The following ZNF71 variants were observed in gnomAD, a reference collection of about 807,000 sequenced individuals.
ZNF71 encodes endothelial zinc finger protein induced by tumor necrosis factor alpha.
A neutral mutation model predicts 6.7 loss-of-function variants in ZNF71; 3 were observed. That is an observed-to-expected ratio of 0.45 (90% confidence interval 0.20 to 1.16). ZNF71 has a LOEUF of 1.16. ZNF71 is among the 50% of genes most tolerant of loss of function. The probability of loss-of-function intolerance (pLI) is 0.25; values close to 1 mark genes in which losing one functional copy is unlikely to be tolerated. For missense variants in ZNF71, 688 were observed against 728.6 expected, an observed-to-expected ratio of 0.94 and a Z score of 0.64; for synonymous variants, 343 against 311.1, an observed-to-expected ratio of 1.10 and a Z score of -1.08.
At position 56,622,340 on chromosome 19, in the gene ZNF71, G is replaced by A. The variant is rs917851191; in HGVS notation, c.1233G>A (p.Val411=). The change falls in exon 4 of 4, where the codon GTG becomes GTA. Residue 411 remains valine, a synonymous_variant. Transcript: ENST00000599599. ...LIQHQRFHIG[V]KPFECSECGK... is the part of the protein sequence containing the mutation. Reference sequence around the variant, plus strand: ...AGCACCAGCGCTTCCACATCGGCGTGAAGCCGTTCGAGTGCAGCGAGTGCG... The same window carrying A: ...AGCACCAGCGCTTCCACATCGGCGTAAAGCCGTTCGAGTGCAGCGAGTGCG... 2.5e-5 allele frequency: 40 copies of A among 1,612,718 alleles called. No individual in the cohort carries two copies. The highest frequency in any genetic ancestry group is 3.3e-5 in the Non-Finnish European group (39 of 1,179,420).
intron 3 of ZNF71, among the ~76,000 whole-genome samples, chr19:56,614,659 T>C (rs559065988): frequency 2.6e-4 from 39 of 152,358 alleles, no homozygotes; most frequent in African/African-American, 9.1e-4. Flanking sequence ...CACAACATAC[T>C]GTTAGGTTAA....
chr19:56,607,767 A>G (rs1438637494), intron 2 of ZNF71, among the ~76,000 whole-genome samples: 4 of 152,222 alleles, frequency 2.6e-5, no homozygotes, highest in Non-Finnish European at 4.4e-5. Flanking sequence ...CCCCAAACTC[A>G]GTTGCTTAAA....
At position 56,621,400 on chromosome 19, in the gene ZNF71, T is replaced by C; in HGVS notation, c.293T>C (p.Val98Ala). 2 of 1,610,868 alleles carry C rather than the reference T, an allele frequency of 1.2e-6. No individual in the cohort carries two copies. The highest frequency in any genetic ancestry group is 1.7e-6 in the Non-Finnish European group (2 of 1,178,282). ...GCCAGGGGTCCTGGCTCAGAAGGAG[T>C]GTGGGAACCAGGCAGCTGGCCAGAG... is the stretch of plus-strand genomic sequence containing the variant. Reference protein sequence around the residue: ...NGARGPGSEGVWEPGSWPERP... With the variant: ...NGARGPGSEGAWEPGSWPERP... The change falls in exon 4 of 4, where the codon GTG (valine) becomes GCG (alanine). Residue 98 changes from valine (V) to alanine (A), a missense_variant. Physicochemically the swap from Val to Ala is moderately conservative, Grantham distance 64. Transcript: ENST00000599599.
Position 56,621,294 on chromosome 19 carries a change from G to A in ZNF71, c.187G>A (p.Glu63Lys). 1 of 1,519,842 alleles carries A rather than the reference G, an allele frequency of 6.6e-7. No individual in the cohort carries two copies. The highest frequency in any genetic ancestry group is 8.8e-7 in the Non-Finnish European group (1 of 1,135,402). The allele number at this position is 1,519,842 out of a possible 1,614,324, so 94.1% of individuals were successfully genotyped here. Residue 63 changes from glutamate (E) to lysine (K), a missense_variant, in exon 4 of 4, where the codon GAG becomes AAG. Coordinates refer to ENST00000599599, the MANE Select transcript of ZNF71 (RefSeq NM_001370215.1). ...CTGGGAGACTAGACCTGAAATGAAA[G>A]AGTTGGATCCAAAGAATGACATTTC... ...LDWETRPEMK[E>K]LDPKNDISED... is the part of the protein sequence containing the mutation.
chr19:56,614,338 A>T (rs989421318), intron 3 of ZNF71, among the ~76,000 whole-genome samples: 2 of 152,236 alleles, frequency 1.3e-5, no homozygotes, highest in Non-Finnish European at 1.5e-5. Flanking sequence ...AAAAAAGAAT[A>T]ATAGCCCATA....
intron 2 of ZNF71, among the ~76,000 whole-genome samples, chr19:56,612,406 C>G (rs2044758514): frequency 6.6e-6 from 1 of 152,094 alleles, no homozygotes; most frequent in South Asian, 2.1e-4. Flanking sequence ...CACATACACA[C>G]ATACATACAC....
At chr19:56,596,886 G>A (rs768690421) in intron 1 of ZNF71, among the ~76,000 whole-genome samples, 2 of 152,080 alleles carry the variant, frequency 1.3e-5, no homozygotes, top group Non-Finnish European at 2.9e-5. Context: ...TGGAAACAAT[G>A]GAAATGGAAG....
Position 56,598,099 on chromosome 19 carries a change from A to G in ZNF71, c.-53+2671A>G, listed in dbSNP as rs1027655549. Among the ~76,000 whole-genome samples the G allele has an allele frequency of 1.3e-5, 2 of 152,224 alleles. No individual in the cohort carries two copies. The highest frequency in any genetic ancestry group is 4.8e-5 in the African/African-American group (2 of 41,454). ...GAGGGAAGACAGATGACAAACTTGA[A>G]AACAACTATTTTAAAAAAGACAGTT... On this transcript the variant is annotated intron_variant, in intron 1 of 3. Coordinates refer to ENST00000599599, the MANE Select transcript of ZNF71 (RefSeq NM_001370215.1). The surrounding 1 kb of genome is among the most constrained non-coding windows in gnomAD (Gnocchi z 4.2).
intron 2 of ZNF71, among the ~76,000 whole-genome samples, chr19:56,611,333 G>A (rs2044750516): frequency 1.3e-5 from 2 of 152,202 alleles, no homozygotes; most frequent in Admixed American, 1.3e-4. Flanking sequence ...GCAGCAGCCT[G>A]CAAGGATGAG....
chr19:56,601,900 G>A (rs915325282), intron 2 of ZNF71, among the ~76,000 whole-genome samples: 2 of 152,166 alleles, frequency 1.3e-5, no homozygotes. Context: ...TGCTGGATGT[G>A]TGACCTTTAA....
At position 56,622,898 on chromosome 19, in the gene ZNF71, G is replaced by T; in HGVS notation, c.*141G>T. ...GAGCTCAGGAATGTGGGGTTGTGGA[G>T]GGGCTGGCTGATCACACATGCCCCC... On this transcript the variant is annotated 3_prime_UTR_variant, in exon 4 of 4. Coordinates refer to ENST00000599599, the MANE Select transcript of ZNF71 (RefSeq NM_001370215.1). The T allele has an allele frequency of 8.8e-7, 1 of 1,138,116 alleles. No individual in the cohort carries two copies. The highest frequency in any genetic ancestry group is 1.2e-6 in the Non-Finnish European group (1 of 814,526). 70.5% of individuals were successfully genotyped at this position (1,138,116 alleles called of 1,614,324 possible). A position where few individuals can be genotyped will look rare whatever the true frequency, so the allele number is the denominator to read the frequency against.
rs936418461 is a variant in ZNF71 at position 56,622,211 on chromosome 19, C to T, written c.1104C>T (p.Asn368=). The part of the protein sequence containing the change: ...YACKECGKAF[N]KSSSLTLHQR... ...GCAAGGAGTGCGGCAAGGCCTTCAA[C>T]AAGAGCTCCTCGCTCACCCTGCACC... Residue 368 remains asparagine, a synonymous_variant, in exon 4 of 4, where the codon AAC becomes AAT. Coordinates refer to ENST00000599599, the MANE Select transcript of ZNF71 (RefSeq NM_001370215.1). 1 of 1,613,498 alleles carries T rather than the reference C, an allele frequency of 6.2e-7. No individual in the cohort carries two copies. Among genetic ancestry groups the T allele is most frequent in the Non-Finnish European group, 8.5e-7 (1 of 1,179,842 alleles).
chr19:56,622,920 C>A lies in ZNF71; in HGVS notation c.*163C>A. 1.1e-6 allele frequency: 1 copy of A among 896,944 alleles called. No homozygotes were observed. The highest frequency in any genetic ancestry group is 1.7e-6 in the Non-Finnish European group (1 of 596,166). The allele number at this position is 896,944 out of a possible 1,614,324, so 55.6% of individuals were successfully genotyped here. ...GGAGGGGCTGGCTGATCACACATGC[C>A]CCCTCCTTACTGAGCCTCAGAAAGC... On this transcript the variant is annotated 3_prime_UTR_variant, in exon 4 of 4. Transcript: ENST00000599599.
At chr19:56,609,618 A>G (rs2044735019) in intron 2 of ZNF71, among the ~76,000 whole-genome samples, 1 of 140,786 alleles carries the variant, frequency 7.1e-6, no homozygotes, top group Admixed American at 6.8e-5. Context: ...GACATTGTCC[A>G]TAAATGAGGC....
rs151230918 is a variant in ZNF71 at position 56,609,142 on chromosome 19, T to C, written c.34-4670T>C. Among the ~76,000 whole-genome samples the C allele has an allele frequency of 8.9e-4, 136 of 152,326 alleles. 2 individuals are homozygous for C. Among genetic ancestry groups the C allele is most frequent in the African/African-American group, 3.1e-3 (129 of 41,568 alleles). On this transcript the variant is annotated intron_variant, in intron 2 of 3. Coordinates refer to ENST00000599599, the MANE Select transcript of ZNF71 (RefSeq NM_001370215.1). ...CATAAAATGTGTAATATTAACCTTT[T>C]AATTGAAGAAACAATAGGTAAAACG... is the stretch of plus-strand genomic sequence containing the variant.
At chr19:56,620,036 T>C (rs1003559076) in intron 3 of ZNF71, among the ~76,000 whole-genome samples, 9 of 152,200 alleles carry the variant, frequency 5.9e-5, no homozygotes, top group African/African-American at 1.9e-4. Flanking sequence ...CTCCACGGAA[T>C]GCCTGCCACC....
intron 1 of ZNF71, among the ~76,000 whole-genome samples, chr19:56,596,289 A>G (rs2044623038): frequency 6.6e-6 from 1 of 151,902 alleles, no homozygotes; most frequent in Non-Finnish European, 1.5e-5. Context: ...ACCTGTGTCT[A>G]GAGTATTTCT....
chr19:56,617,452 C>G lies in ZNF71; in HGVS notation c.160+3514C>G, dbSNP rs138186117. Among the ~76,000 whole-genome samples the G allele has an allele frequency of 4.0e-3, 606 of 152,192 alleles. 2 individuals are homozygous for G. Among genetic ancestry groups the G allele is most frequent in the Non-Finnish European group, 6.7e-3 (458 of 68,018 alleles). On this transcript the variant is annotated intron_variant, in intron 3 of 3. Coordinates refer to ENST00000599599, the MANE Select transcript of ZNF71 (RefSeq NM_001370215.1). ...TTTAAAAACAAGTGTGAATTACTTTCTAATCAGAAACAAGCATAGAAAGAC... is the reference window on the plus strand; with the variant it reads ...TTTAAAAACAAGTGTGAATTACTTTGTAATCAGAAACAAGCATAGAAAGAC...
intron 1 of ZNF71, among the ~76,000 whole-genome samples, chr19:56,596,310 G>T (rs531975932): frequency 6.6e-6 from 1 of 152,140 alleles, no homozygotes; most frequent in African/African-American, 2.4e-5. Flanking sequence ...TGATGTTTGC[G>T]TGTGACTCTG....
Sources: gnomAD v4.1 joint callset for allele counts (sites outside exome capture counted in the v4.1 genomes callset) on GRCh38, gnomAD v4.1.1 for gene constraint, Gnocchi (gnomAD v3.1) non-coding constraint, MANE v1.5 for transcripts, NCBI Gene and HGNC (gene_info 2026-07-23, HGNC 2026-07-21) for gene names.